The following SLCO3A1 variants were observed in gnomAD, a reference collection of about 807,000 sequenced individuals.
The protein encoded by SLCO3A1 is solute carrier organic anion transporter family member 3A1.
Under a neutral mutation model 63.1 loss-of-function variants are expected in SLCO3A1, and 27 were observed. That is an observed-to-expected ratio of 0.43 (90% CI 0.32 to 0.59). The LOEUF is 0.59. Ranked by LOEUF, SLCO3A1 falls within the 20% of genes least tolerant of loss-of-function variation. The pLI is 0.09. For missense variants in SLCO3A1, 773 were observed against 945.8 expected (o/e 0.82, Z 2.40); for synonymous variants, 473 against 409.9 (o/e 1.15, Z -1.86).
rs558071697 is a variant in SLCO3A1, at chr15:92,058,427, C to T, written c.647-36454C>T. Among the ~76,000 whole-genome samples, 20 of 152,252 alleles carry T rather than the reference C, an allele frequency of 1.3e-4. 1 individual carries two copies. In the South Asian group the frequency reaches 3.7e-3, roughly 28 times the overall value. On this transcript the variant is annotated intron_variant, in intron 2 of 9. Transcript: ENST00000318445. Reference sequence around the variant, plus strand: ...TTGAGTTTTACCCCTCACCCATCCCCTAAGCCCATTCCTTTTAAGGGAATG... The same window carrying T: ...TTGAGTTTTACCCCTCACCCATCCCTTAAGCCCATTCCTTTTAAGGGAATG...
At chr15:91,867,215 G>C (rs1223162814) in intron 1 of SLCO3A1, among the ~76,000 whole-genome samples, 3 of 152,214 alleles carry the variant, frequency 2.0e-5, no homozygotes, top group Non-Finnish European at 4.4e-5. Context: ...AATGTGGCTG[G>C]AAGTCAGTCT....
chr15:92,164,104 C>T lies in SLCO3A1; in HGVS notation c.*969C>T, dbSNP rs1329437817. On this transcript the variant is annotated 3_prime_UTR_variant, in exon 10 of 10. Coordinates refer to ENST00000318445, the MANE Select transcript of SLCO3A1 (RefSeq NM_013272.4). Reference sequence around the variant, plus strand: ...TATAATCCTCTAATACTATTTTTAACTACTTCTAAAATCTGTGTTAACCCT... The same window carrying T: ...TATAATCCTCTAATACTATTTTTAATTACTTCTAAAATCTGTGTTAACCCT... 4 of 978,726 alleles carry T rather than the reference C, an allele frequency of 4.1e-6. No homozygotes were observed. Among genetic ancestry groups the T allele is most frequent in the African/African-American group, 1.8e-5 (1 of 57,080 alleles). 60.6% of individuals were successfully genotyped at this position (978,726 alleles called of 1,614,324 possible).
Position 91,853,892 on chromosome 15 carries a change from G to A in SLCO3A1, c.-17G>A. ...GAAAGCGGCAGCGGCGGCGGCGGCGGCGGCGGCGGGGGAAGGATGCAGGGG... is the reference window on the plus strand; with the variant it reads ...GAAAGCGGCAGCGGCGGCGGCGGCGACGGCGGCGGGGGAAGGATGCAGGGG... On this transcript the variant is annotated 5_prime_UTR_variant, in exon 1 of 10. Coordinates refer to ENST00000318445, the MANE Select transcript of SLCO3A1 (RefSeq NM_013272.4). The A allele has an allele frequency of 7.4e-7, 1 of 1,349,152 alleles. No individual in the cohort carries two copies. 83.6% of individuals were successfully genotyped at this position (1,349,152 alleles called of 1,614,324 possible).
At chr15:92,062,104 T>C (rs2047093793) in intron 2 of SLCO3A1, among the ~76,000 whole-genome samples, 1 of 152,218 alleles carries the variant, frequency 6.6e-6, no homozygotes, top group Admixed American at 6.5e-5. Flanking sequence ...CCCTGAACAC[T>C]GGGGAAATCC....
At chr15:92,154,913 G>A (rs2048352797) in intron 9 of SLCO3A1, among the ~76,000 whole-genome samples, 1 of 152,218 alleles carries the variant, frequency 6.6e-6, no homozygotes, top group African/African-American at 2.4e-5. Flanking sequence ...ACTGGAGGAT[G>A]TGGCCAAAGC....
chr15:92,124,684 A>G (rs141559769), intron 5 of SLCO3A1, among the ~76,000 whole-genome samples: 2,862 of 152,310 alleles, frequency 0.019, 42 homozygotes, highest in Non-Finnish European at 0.028. Context: ...ACCCAAAAAT[A>G]AATGAGGCTG....
At chr15:92,022,885 TG>T (rs1328848280) in intron 2 of SLCO3A1, among the ~76,000 whole-genome samples, 1 of 151,972 alleles carries the variant, frequency 6.6e-6, no homozygotes, top group Non-Finnish European at 1.5e-5. Flanking sequence ...CAGTGCTACC[TG>T]CAGTCAGGGA....
At chr15:91,987,489 C>T (rs1444976052) in intron 2 of SLCO3A1, among the ~76,000 whole-genome samples, 1 of 152,060 alleles carries the variant, frequency 6.6e-6, no homozygotes, top group African/African-American at 2.4e-5. Context: ...TGCCTGTAAT[C>T]CCAGCACTTT....
intron 2 of SLCO3A1, among the ~76,000 whole-genome samples, chr15:92,088,419 C>A (rs1164362892): frequency 6.6e-6 from 1 of 152,204 alleles, no homozygotes; most frequent in East Asian, 1.9e-4. Flanking sequence ...TCCATTCATG[C>A]ATATTAGCAT....
At chr15:91,993,589 C>G (rs182039664) in intron 2 of SLCO3A1, among the ~76,000 whole-genome samples, 1 of 152,172 alleles carries the variant, frequency 6.6e-6, no homozygotes, top group South Asian at 2.1e-4. Flanking sequence ...ATTCCAGACA[C>G]TTAGAATGCA....
chr15:91,866,931 C>A (rs1016049480), intron 1 of SLCO3A1, among the ~76,000 whole-genome samples: 2 of 152,076 alleles, frequency 1.3e-5, no homozygotes, highest in Admixed American at 6.6e-5. Flanking sequence ...ATTTTCTCAA[C>A]CTTGGTTGGG....
At chr15:92,102,090 C>T (rs553552660) in intron 3 of SLCO3A1, among the ~76,000 whole-genome samples, 5 of 152,266 alleles carry the variant, frequency 3.3e-5, no homozygotes, top group African/African-American at 1.2e-4. Flanking sequence ...TACCCGCTCA[C>T]ATCTGCCAGC....
intron 2 of SLCO3A1, among the ~76,000 whole-genome samples, chr15:91,918,915 G>C (rs1382700524): frequency 6.6e-6 from 1 of 152,240 alleles, no homozygotes. Context: ...AGTTGGTCTA[G>C]AGAGGGGCCC....
chr15:92,083,573 C>A (rs944235728), intron 2 of SLCO3A1, among the ~76,000 whole-genome samples: 65 of 152,200 alleles, frequency 4.3e-4, no homozygotes, highest in African/African-American at 1.5e-3. Context: ...TAATTGTATT[C>A]TTCAGAAGTA....
intron 4 of SLCO3A1, among the ~76,000 whole-genome samples, chr15:92,117,802 T>G (rs2047813931): frequency 6.6e-6 from 1 of 152,244 alleles, no homozygotes; most frequent in Non-Finnish European, 1.5e-5. Context: ...CTTCTGTACA[T>G]GAAGATAAAT....
chr15:91,866,941 G>T (rs1332976750), intron 1 of SLCO3A1, among the ~76,000 whole-genome samples: 1 of 152,160 alleles, frequency 6.6e-6, no homozygotes, highest in East Asian at 1.9e-4. Flanking sequence ...CCTTGGTTGG[G>T]GATAGATCCG....
chr15:92,074,131 A>G (rs1753122908), intron 2 of SLCO3A1, among the ~76,000 whole-genome samples: 1 of 152,256 alleles, frequency 6.6e-6, no homozygotes, highest in African/African-American at 2.4e-5. Flanking sequence ...AGATCGTCCC[A>G]GTGTACTCCA....
chr15:92,151,082 T>TCAAATTATCCCATTTC, intron 9 of SLCO3A1, 68 bp downstream of exon 9: 1 of 1,055,554 alleles, frequency 9.5e-7, no homozygotes, highest in South Asian at 1.4e-5. Context: ...TAACTGTCAG[T>TCAAATTATCCCATTTC]CAAATTATCC....
intron 3 of SLCO3A1, among the ~76,000 whole-genome samples, 157 bp downstream of exon 3, chr15:92,095,136 C>T (rs949486610): frequency 2.0e-5 from 3 of 152,180 alleles, no homozygotes; most frequent in African/African-American, 2.4e-5. Context: ...GATGAAAGAA[C>T]GTGAGTGTTG....
Sources: gnomAD v4.1 joint callset for allele counts (sites outside exome capture counted in the v4.1 genomes callset) on GRCh38, gnomAD v4.1.1 for gene constraint, MANE v1.5 for transcripts, NCBI Gene and HGNC (gene_info 2026-07-23, HGNC 2026-07-21) for gene names.